APBB1IP: variants seen among roughly 807,000 people sequenced by gnomAD.
APBB1IP encodes the protein amyloid beta precursor protein binding family B member 1 interacting protein.
APBB1IP carries 27 observed loss-of-function variants against 64.9 expected under a neutral mutation model. The observed-to-expected ratio is 0.42, with a 90% CI of 0.31 to 0.57. The LOEUF (loss-of-function observed/expected upper bound fraction) is 0.57. Among genes scored for constraint, APBB1IP ranks in the 20% least tolerant of loss-of-function variants. The pLI is 0.20. For missense variants in APBB1IP, 812 were observed against 845.5 expected, an observed-to-expected ratio of 0.96 and a Z score of 0.49; for synonymous variants, 392 against 331.0, an observed-to-expected ratio of 1.18 and a Z score of -2.00.
At chr10:26,471,126 T>C (rs1479676330) in intron 2 of APBB1IP, among the ~76,000 whole-genome samples, 1 of 152,136 alleles carries the variant, frequency 6.6e-6, no homozygotes, top group Non-Finnish European at 1.5e-5. Context: ...TTAAATAACT[T>C]GCCCAAGATT....
intron 13 of APBB1IP, among the ~76,000 whole-genome samples, chr10:26,561,765 A>G (rs562427170): frequency 6.6e-6 from 1 of 152,206 alleles, no homozygotes; most frequent in East Asian, 1.9e-4. Context: ...TGGGGGGAAA[A>G]ACCACATCTA....
At chr10:26,453,519 A>T (rs962572529) in intron 2 of APBB1IP, among the ~76,000 whole-genome samples, 1 of 152,094 alleles carries the variant, frequency 6.6e-6, no homozygotes, top group African/African-American at 2.4e-5. Flanking sequence ...CCATCCACTC[A>T]TTCATCTCCT....
At chr10:26,508,094 G>A (rs1836206305) in intron 6 of APBB1IP, among the ~76,000 whole-genome samples, 1 of 152,222 alleles carries the variant, frequency 6.6e-6, no homozygotes, top group Non-Finnish European at 1.5e-5. Context: ...TTGTTCTGTG[G>A]TGCAGAATAT....
chr10:26,557,909 G>A (rs1433666326), intron 11 of APBB1IP, among the ~76,000 whole-genome samples: 2 of 152,158 alleles, frequency 1.3e-5, no homozygotes, highest in African/African-American at 2.4e-5. Context: ...AGTGATTTAA[G>A]ATGGAAAGCG....
At chr10:26,526,106 G>A (rs184559907) in intron 8 of APBB1IP, among the ~76,000 whole-genome samples, 2 of 152,176 alleles carry the variant, frequency 1.3e-5, no homozygotes, top group African/African-American at 2.4e-5. Flanking sequence ...TTGGGATAGC[G>A]TGTCCTAAAC....
chr10:26,446,875 G>GAT (rs1403817076), intron 2 of APBB1IP, among the ~76,000 whole-genome samples: 6,245 of 151,362 alleles, frequency 0.041, 440 homozygotes, highest in African/African-American at 0.14. Flanking sequence ...GATAGATAGA[G>GAT]AGAGAGATAG....
chr10:26,476,532 C>T (rs1055161308), intron 2 of APBB1IP, among the ~76,000 whole-genome samples: 2 of 150,736 alleles, frequency 1.3e-5, no homozygotes, highest in African/African-American at 4.9e-5. Context: ...AAGTAAGAAT[C>T]GTGTAATGGA....
At chr10:26,454,618 A>G (rs1835502313) in intron 2 of APBB1IP, among the ~76,000 whole-genome samples, 1 of 152,326 alleles carries the variant, frequency 6.6e-6, no homozygotes, top group East Asian at 1.9e-4. Context: ...TGGGTCCAAA[A>G]AAACCAGAAA....
chr10:26,567,656 A>ATATC lies in APBB1IP; in HGVS notation c.*170_*173dup. 7.3e-7 allele frequency: 1 copy of ATATC among 1,369,990 alleles called. No individual in the cohort carries two copies. Among genetic ancestry groups the ATATC allele is most frequent in the Non-Finnish European group, 9.6e-7 (1 of 1,046,688 alleles). The allele number at this position is 1,369,990 out of a possible 1,614,324, so 84.9% of individuals were successfully genotyped here. ...AACCATTAACCCAGTAGAGTTCAGA[A>ATATC]TATCTGCCCAAATGTACATATCGTT... is the stretch of plus-strand genomic sequence containing the variant. On this transcript the variant is annotated 3_prime_UTR_variant, in exon 15 of 15. Transcript: ENST00000376236.
chr10:26,535,974 A>G, intron 9 of APBB1IP, 100 bp from the exon 10 acceptor site: 3 of 1,260,378 alleles, frequency 2.4e-6, no homozygotes, highest in South Asian at 3.1e-5. Context: ...CACAAAATTG[A>G]CTTTTAGTTT....
intron 2 of APBB1IP, among the ~76,000 whole-genome samples, chr10:26,469,116 A>C (rs1835683788): frequency 6.7e-6 from 1 of 149,902 alleles, no homozygotes; most frequent in African/African-American, 2.5e-5. Context: ...TCACTTTAAC[A>C]CTTTTTAAAT....
At position 26,567,440 on chromosome 10, in the gene APBB1IP, G is replaced by A. The variant is rs1463437325; in HGVS notation, c.1953G>A (p.Met651Ile). 2.5e-6 allele frequency: 4 copies of A among 1,607,068 alleles called. No individual in the cohort carries two copies. The highest frequency in any genetic ancestry group is 2.6e-6 in the Non-Finnish European group (3 of 1,175,312). Residue 651 changes from methionine to isoleucine, a missense_variant, in exon 15 of 15, where the codon ATG becomes ATA. By Grantham distance (10) the Met-to-Ile change is conservative. Around this residue, in one of 3 missense-constraint regions of APBB1IP, gnomAD observed 381 missense variants for 352.1 expected, o/e 1.08. Coordinates refer to ENST00000376236, the MANE Select transcript of APBB1IP (RefSeq NM_019043.4). ...CAGGAGGCGGGGAGCAAGATTTCATGTCAGACCTCATGAAAGCTTTGCAAA... is the reference window on the plus strand; with the variant it reads ...CAGGAGGCGGGGAGCAAGATTTCATATCAGACCTCATGAAAGCTTTGCAAA... ...GGAGGGEQDF[M>I]SDLMKALQKK...
intron 3 of APBB1IP, among the ~76,000 whole-genome samples, chr10:26,493,802 A>G (rs931480611): frequency 2.6e-5 from 4 of 152,130 alleles, no homozygotes; most frequent in African/African-American, 9.7e-5. Flanking sequence ...GGTTACTTCT[A>G]TAAAGACTCA....
chr10:26,545,954 G>T (rs1399662043), intron 11 of APBB1IP, among the ~76,000 whole-genome samples: 1 of 141,736 alleles, frequency 7.1e-6, no homozygotes, highest in African/African-American at 2.6e-5. Context: ...TTGTCTCAAA[G>T]AAAAAAAAAA....
chr10:26,518,278 C>T (rs1836358193), intron 8 of APBB1IP, among the ~76,000 whole-genome samples: 1 of 141,154 alleles, frequency 7.1e-6, no homozygotes, highest in East Asian at 2.1e-4. Flanking sequence ...TTTAAAGAGT[C>T]CTTCTGTCAC....
intron 8 of APBB1IP, among the ~76,000 whole-genome samples, chr10:26,523,010 C>CA (rs35641109): frequency 0.29 from 18,011 of 62,784 alleles, 1,428 homozygotes; most frequent in African/African-American, 0.31. Flanking sequence ...ACTCCATCTC[C>CA]AAAAAAAAAA....
intron 3 of APBB1IP, among the ~76,000 whole-genome samples, chr10:26,494,512 C>T (rs906289205): frequency 3.9e-5 from 6 of 152,196 alleles, no homozygotes; most frequent in African/African-American, 1.4e-4. Context: ...TTTTGAAAGA[C>T]TTATTTATTT....
intron 2 of APBB1IP, among the ~76,000 whole-genome samples, chr10:26,485,756 T>C (rs1405735012): frequency 6.6e-6 from 1 of 152,226 alleles, no homozygotes; most frequent in African/African-American, 2.4e-5. Context: ...GTTTACCAAG[T>C]GCAGTAGATA....
intron 2 of APBB1IP, among the ~76,000 whole-genome samples, chr10:26,465,329 C>A (rs1835635995): frequency 6.6e-6 from 1 of 152,188 alleles, no homozygotes; most frequent in Non-Finnish European, 1.5e-5. Context: ...AACTAGTTTG[C>A]TGTTTGTGAC....
Sources: allele counts gnomAD v4.1 joint callset (sites outside exome capture counted in the v4.1 genomes callset), GRCh38; gene constraint gnomAD v4.1.1; regional missense constraint gnomAD v4.1.1; transcripts MANE v1.5; gene names NCBI Gene and HGNC (gene_info 2026-07-23, HGNC 2026-07-21).